The following GUCY2D variants were observed in gnomAD, a reference collection of about 807,000 sequenced individuals.
The protein encoded by GUCY2D is guanylate cyclase 2D, retinal, also known as retinal guanylyl cyclase 1.
A neutral mutation model predicts 101.3 loss-of-function variants in GUCY2D; 70 were observed. That is an observed-to-expected ratio of 0.69 (90% CI 0.57 to 0.84). GUCY2D has a LOEUF of 0.84. Ranked by LOEUF, GUCY2D falls within the 40% of genes least tolerant of loss-of-function variation. The pLI, the probability that GUCY2D is intolerant of heterozygous loss-of-function variation, is 0.00. For missense variants in GUCY2D, 1,460 were observed against 1,542.5 expected, an observed-to-expected ratio of 0.95 and a Z score of 0.90; for synonymous variants, 688 against 670.7, an observed-to-expected ratio of 1.03 and a Z score of -0.40.
At chr17:8,007,254 G>A (rs1975763234) in intron 5 of GUCY2D, 110 bp downstream of exon 5, 2 of 979,926 alleles carry the variant, frequency 2.0e-6, no homozygotes, top group East Asian at 2.4e-5. Flanking sequence ...GATTTTTCTT[G>A]GGGTGAGGGT....
Position 8,012,289 on chromosome 17 carries a change from C to G in GUCY2D, c.1895C>G (p.Ala632Gly). The change falls in exon 9 of 20, where the codon GCT (alanine) becomes GGT (glycine). Residue 632 changes from alanine (A) to glycine (G), a missense_variant. By Grantham distance (60) the Ala-to-Gly change is moderately conservative. This residue lies in a region of GUCY2D where 1,196 missense variants were observed against 1,229.6 expected (regional missense o/e 0.97). Coordinates refer to ENST00000254854, the MANE Select transcript of GUCY2D (RefSeq NM_000180.4). The stretch of plus-strand genomic sequence containing the variant: ...CGGGGCTCTCTTCAGGACCTCCTCG[C>G]TCAGAGAGAAATAAAGCTGGACTGG... The part of the protein sequence containing the change: ...CTRGSLQDLL[A>G]QREIKLDWMF... The G allele has an allele frequency of 6.2e-7, 1 of 1,613,978 alleles. No homozygotes were observed. Among genetic ancestry groups the G allele is most frequent in the Non-Finnish European group, 8.5e-7 (1 of 1,179,970 alleles).
chr17:8,007,325 A>C (rs1598146740), intron 5 of GUCY2D, 101 bp from the exon 6 acceptor site: 1 of 936,818 alleles, frequency 1.1e-6, no homozygotes, highest in African/African-American at 1.6e-5. Context: ...GCCCTCCAGG[A>C]CCCCTCCCCT....
At chr17:8,017,358 C>T (rs538161935) in intron 19 of GUCY2D, among the ~76,000 whole-genome samples, 1 of 152,248 alleles carries the variant, frequency 6.6e-6, no homozygotes, top group African/African-American at 2.4e-5. Flanking sequence ...CTCTCAGGGA[C>T]CCAGGAAGGA....
In GUCY2D at chr17:8,013,959, C is replaced by A; in HGVS notation, c.2343C>A (p.Ile781=). The A allele has an allele frequency of 6.2e-7, 1 of 1,613,672 alleles. No homozygotes were observed. The highest frequency in any genetic ancestry group is 8.5e-7 in the Non-Finnish European group (1 of 1,179,618). ...TGGACCAGGCACCTGTCGAGTGTAT[C>A]CTCCTGATGAAGCAGTGCTGGGCAG... ...VSMDQAPVEC[I]LLMKQCWAEQ... Residue 781 remains isoleucine, a synonymous_variant, in exon 12 of 20, where the codon ATC becomes ATA. Coordinates refer to ENST00000254854, the MANE Select transcript of GUCY2D (RefSeq NM_000180.4). The surrounding 1 kb of genome is among the most constrained non-coding windows in gnomAD (Gnocchi z 5.0).
In GUCY2D at chr17:8,007,456, C is replaced by T. The variant is rs369663256; in HGVS notation, c.1494C>T (p.Ser498=). 4.0e-5 allele frequency: 65 copies of T among 1,613,506 alleles called. No individual in the cohort carries two copies. Among genetic ancestry groups the T allele is most frequent in the Non-Finnish European group, 4.7e-5 (56 of 1,179,438 alleles). ...GGCTACTTCACATGCAAATGGTCTCCGGCCCCAACAAGATCATCCTGACCG... is the reference window on the plus strand; with the variant it reads ...GGCTACTTCACATGCAAATGGTCTCTGGCCCCAACAAGATCATCCTGACCG... The part of the protein sequence containing the change: ...RHRLLHMQMV[S]GPNKIILTVD... Residue 498 remains serine (S), a synonymous_variant, in exon 6 of 20, where the codon TCC becomes TCT. Coordinates refer to ENST00000254854, the MANE Select transcript of GUCY2D (RefSeq NM_000180.4).
At chr17:8,018,680 C>T (rs1447725156) in intron 19 of GUCY2D, among the ~76,000 whole-genome samples, 1 of 152,104 alleles carries the variant, frequency 6.6e-6, no homozygotes, top group African/African-American at 2.4e-5. Flanking sequence ...CAGCAACAGT[C>T]CCCTTTATCC....
chr17:8,011,993 G>C lies in GUCY2D; in HGVS notation c.1750-151G>C. 1.5e-6 allele frequency: 1 copy of C among 651,138 alleles called. No homozygotes were observed. Among genetic ancestry groups the C allele is most frequent in the South Asian group, 1.8e-5 (1 of 55,358 alleles). 40.3% of individuals were successfully genotyped at this position (651,138 alleles called of 1,614,324 possible). A position where few individuals can be genotyped will look rare whatever the true frequency, so the allele number is the denominator to read the frequency against. On this transcript the variant is annotated intron_variant, in intron 8 of 19. Coordinates refer to ENST00000254854, the MANE Select transcript of GUCY2D (RefSeq NM_000180.4). The surrounding 1 kb of genome is among the most constrained non-coding windows in gnomAD (Gnocchi z 4.3). ...CAAAAATAGGACTATGTGTAGAAGA[G>C]AGCCCCCGTACATACCTTATCAACC... is the stretch of plus-strand genomic sequence containing the variant.
intron 10 of GUCY2D, 127 bp from the exon 11 acceptor site, chr17:8,012,976 C>G (rs1391967225): frequency 1.3e-5 from 10 of 776,724 alleles, no homozygotes; most frequent in Non-Finnish European, 1.9e-5. Context: ...CAGGGCTGGT[C>G]TCAGGTTGCA....
chr17:8,003,358 C>T lies in GUCY2D; in HGVS notation c.311C>T (p.Pro104Leu). 1.4e-6 allele frequency: 2 copies of T among 1,468,604 alleles called. No individual in the cohort carries two copies. The highest frequency in any genetic ancestry group is 1.8e-6 in the Non-Finnish European group (2 of 1,117,090). The allele number at this position is 1,468,604 out of a possible 1,614,324, so 91.0% of individuals were successfully genotyped here. Residue 104 changes from proline to leucine, a missense_variant, in exon 2 of 20, where the codon CCT becomes CTT. By Grantham distance (98) the Pro-to-Leu change is moderately conservative. Around this residue, in one of 3 missense-constraint regions of GUCY2D, gnomAD observed 1,196 missense variants for 1,229.6 expected, o/e 0.97. Transcript: ENST00000254854. ...PRFEVALLPE[P>L]CRTPGSLGAV... ...TTCGAGGTAGCGCTGCTGCCCGAGCCTTGCCGGACGCCGGGCTCGCTGGGG... is the reference window on the plus strand; with the variant it reads ...TTCGAGGTAGCGCTGCTGCCCGAGCTTTGCCGGACGCCGGGCTCGCTGGGG...
At position 8,014,911 on chromosome 17, in the gene GUCY2D, G is replaced by C. The variant is rs1296443886; in HGVS notation, c.2629G>C (p.Glu877Gln). The change falls in exon 14 of 20, where the codon GAG (glutamate) becomes CAG (glutamine). Residue 877 changes from glutamate to glutamine, a missense_variant. By Grantham distance (29) the Glu-to-Gln change is conservative. Coordinates refer to ENST00000254854, the MANE Select transcript of GUCY2D (RefSeq NM_000180.4). This position sits in a 1 kb window ranked among gnomAD's most constrained non-coding sequence, Gnocchi z 4.0. Reference sequence around the variant, plus strand: ...GACACCAGTGGAGCCCGAGTACTTTGAGCAAGTGACACTGTACTTTAGTGA... The same window carrying C: ...GACACCAGTGGAGCCCGAGTACTTTCAGCAAGTGACACTGTACTTTAGTGA... ...TGTPVEPEYF[E>Q]QVTLYFSDIV... The C allele has an allele frequency of 5.0e-6, 8 of 1,614,018 alleles. No individual in the cohort carries two copies. In the Admixed American group the frequency reaches 8.3e-5, roughly 17 times the overall value.
intron 10 of GUCY2D, 110 bp downstream of exon 10, chr17:8,012,716 A>C (rs1598149383): frequency 2.3e-6 from 2 of 865,428 alleles, no homozygotes. Flanking sequence ...TCCCACATCC[A>C]CCAGACACAA....
rs770587800 is a variant in GUCY2D at position 8,013,086 on chromosome 17, C to T, written c.2114-17C>T. The T allele has an allele frequency of 1.6e-5, 26 of 1,609,080 alleles. No individual in the cohort carries two copies. In the African/African-American group the frequency reaches 2.3e-4, roughly 14 times the overall value. On this transcript the variant is annotated splice_polypyrimidine_tract_variant and intron_variant, in intron 10 of 19. Coordinates refer to ENST00000254854, the MANE Select transcript of GUCY2D (RefSeq NM_000180.4). This position sits in a 1 kb window ranked among gnomAD's most constrained non-coding sequence, Gnocchi z 5.0. ...AGTCTTTCCCCAGCGGCGCCTCAGC[C>T]CCTTCCCCATCCCCAGACCAGCTGT...
At chr17:8,007,702 T>C (rs933787788) in intron 6 of GUCY2D, among the ~76,000 whole-genome samples, 174 bp downstream of exon 6, 6 of 152,164 alleles carry the variant, frequency 3.9e-5, no homozygotes, top group Admixed American at 3.3e-4. Flanking sequence ...AGGGTAACAG[T>C]ACCTGTCCTG....
chr17:8,012,755 T>G (rs915089593), intron 10 of GUCY2D, 149 bp downstream of exon 10: 4 of 751,480 alleles, frequency 5.3e-6, no homozygotes, highest in African/African-American at 5.2e-5. Flanking sequence ...TCTTGTGGCC[T>G]CTGAGAGGGT....
rs777700238 is a variant in GUCY2D at position 8,006,694 on chromosome 17, C to T, written c.1358C>T (p.Pro453Leu). The T allele has an allele frequency of 6.2e-7, 1 of 1,608,990 alleles. No individual in the cohort carries two copies. Among genetic ancestry groups the T allele is most frequent in the South Asian group, 1.1e-5 (1 of 90,246 alleles). Reference protein sequence around the residue: ...PGPDPSCWFDPNNICGGGLEP... With the variant: ...PGPDPSCWFDLNNICGGGLEP... The stretch of plus-strand genomic sequence containing the variant: ...CCTGACCCCTCGTGCTGGTTCGATC[C>T]AAACAACATCTGCGGTGGAGGTGAG... Residue 453 changes from proline to leucine, a missense_variant, in exon 4 of 20, where the codon CCA (proline) becomes CTA (leucine). Coordinates refer to ENST00000254854, the MANE Select transcript of GUCY2D (RefSeq NM_000180.4).
Position 8,015,034 on chromosome 17 carries a change from TC to T in GUCY2D, c.2755del (p.His919ThrfsTer9). ...LYTLFDAIIGSHDVYKVETIG... is the reference protein window; with the variant it reads ...LYTLFDAIIGXHDVYKVETIG... ...CACACTCTTTGATGCCATCATTGGT[TC>T]CCACGATGTCTACAAGGTGCAGTGT... On this transcript the variant is annotated frameshift_variant, in exon 14 of 20. Coordinates refer to ENST00000254854, the MANE Select transcript of GUCY2D (RefSeq NM_000180.4). LOFTEE classifies it high-confidence loss of function. The T allele has an allele frequency of 6.2e-7, 1 of 1,613,750 alleles. No individual in the cohort carries two copies. The highest frequency in any genetic ancestry group is 8.5e-7 in the Non-Finnish European group (1 of 1,179,868).
intron 8 of GUCY2D, among the ~76,000 whole-genome samples, chr17:8,010,726 G>A (rs149260011): frequency 0.021 from 3,103 of 150,148 alleles, 33 homozygotes; most frequent in Middle Eastern, 0.069. Flanking sequence ...GAAGAATGGC[G>A]TGAACCCGGG....
At chr17:8,009,630 C>T (rs1975812041) in intron 8 of GUCY2D, 44 bp downstream of exon 8, 1 of 1,278,490 alleles carries the variant, frequency 7.8e-7, no homozygotes, top group Non-Finnish European at 1.1e-6. Flanking sequence ...CCATCGGTTT[C>T]TCCCTCCTTG....
rs754170292 is a variant in GUCY2D, at chr17:8,009,539, G to C, written c.1702G>C (p.Asp568His). 3 of 1,613,836 alleles carry C rather than the reference G, an allele frequency of 1.9e-6. No individual in the cohort carries two copies. The highest frequency in any genetic ancestry group is 1.1e-5 in the South Asian group (1 of 91,072). The change falls in exon 8 of 20, where the codon GAT becomes CAT. Residue 568 changes from aspartate (D) to histidine (H), a missense_variant. Around this residue, in one of 3 missense-constraint regions of GUCY2D, gnomAD observed 1,196 missense variants for 1,229.6 expected, o/e 0.97. Transcript: ENST00000254854. ...DRVWLKKFPG[D>H]QHIAIRPATK... ...GGTTTGGCTGAAGAAATTCCCAGGG[G>C]ATCAGCACATAGCTATCCGCCCAGC...
Sources: allele counts gnomAD v4.1 joint callset (sites outside exome capture counted in the v4.1 genomes callset), GRCh38; gene constraint gnomAD v4.1.1; regional missense constraint gnomAD v4.1.1; non-coding constraint Gnocchi (gnomAD v3.1); transcripts MANE v1.5; gene names NCBI Gene and HGNC (gene_info 2026-07-23, HGNC 2026-07-21).